CD47: variants seen among roughly 807,000 people sequenced by gnomAD.
CD47 encodes CD47 molecule.
A neutral mutation model predicts 44.6 loss-of-function variants in CD47; 11 were observed. The ratio of observed to expected loss-of-function variants is 0.25; its 90% CI spans 0.16 to 0.41. The LOEUF (loss-of-function observed/expected upper bound fraction) is 0.41. CD47 is among the 10% of genes least tolerant of loss of function. The probability of loss-of-function intolerance (pLI) is 1.00; values close to 1 mark genes in which losing one functional copy is unlikely to be tolerated. For missense variants in CD47, 306 were observed against 386.7 expected, an observed-to-expected ratio of 0.79 and a Z score of 1.75; for synonymous variants, 140 against 136.3, an observed-to-expected ratio of 1.03 and a Z score of -0.19.
At chr3:108,064,680 C>A (rs893138869) in intron 3 of CD47, among the ~76,000 whole-genome samples, 2 of 152,226 alleles carry the variant, frequency 1.3e-5, no homozygotes, top group Middle Eastern at 3.4e-3. Context: ...TTAATGCCTG[C>A]CCAAAGACAT....
chr3:108,079,816 T>C (rs1413008248), intron 2 of CD47, among the ~76,000 whole-genome samples, 175 bp downstream of exon 2: 1 of 151,834 alleles, frequency 6.6e-6, no homozygotes, highest in East Asian at 1.9e-4. Context: ...GAAGAGTAGA[T>C]TAACAAATAG....
At chr3:108,090,802 C>T (rs1346728882) in intron 1 of CD47, 61 bp downstream of exon 1, 2 of 1,423,926 alleles carry the variant, frequency 1.4e-6, no homozygotes, top group Non-Finnish European at 1.8e-6. Context: ...GGGGCGCAGC[C>T]CACACGCCCG....
intron 8 of CD47, among the ~76,000 whole-genome samples, chr3:108,051,458 T>G (rs1369339446): frequency 6.6e-6 from 1 of 152,214 alleles, no homozygotes; most frequent in Non-Finnish European, 1.5e-5. Flanking sequence ...TATAAAACAT[T>G]TGTATGGGAG....
chr3:108,054,507 A>G lies in CD47; in HGVS notation c.878-2537T>C, dbSNP rs896442070. On this transcript the variant is annotated intron_variant, in intron 7 of 10. Coordinates refer to ENST00000361309, the MANE Select transcript of CD47 (RefSeq NM_001777.4). ...CCCATGTGACAAAAGAATTATTACG[A>G]TTTCTGCTGCTACCATGAGCCTAAG... 4.2e-4 allele frequency: 64 copies of G among 152,204 alleles called. 1 individual carries two copies. The highest frequency in any genetic ancestry group is 2.4e-3 in the Admixed American group (37 of 15,286). 9.4% of individuals were successfully genotyped at this position (152,204 alleles called of 1,614,324 possible). A position where few individuals can be genotyped will look rare whatever the true frequency, so the allele number is the denominator to read the frequency against.
In CD47 at chr3:108,080,360, A is replaced by G. The variant is rs769982699; in HGVS notation, c.47-16T>C. The G allele has an allele frequency of 2.2e-6, 3 of 1,363,336 alleles. No homozygotes were observed. Among genetic ancestry groups the G allele is most frequent in the Non-Finnish European group, 3.1e-6 (3 of 972,386 alleles). 84.5% of individuals were successfully genotyped at this position (1,363,336 alleles called of 1,614,324 possible). On this transcript the variant is annotated splice_polypyrimidine_tract_variant and intron_variant, in intron 1 of 10. Transcript: ENST00000361309. ...TGAGCTGATCCTGGAAAGGAAAAAG[A>G]AAAATGTTTCATTAATTATAGAAGT...
chr3:108,050,710 C>A, intron 8 of CD47, 108 bp from the exon 9 acceptor site: 1 of 522,194 alleles, frequency 1.9e-6, no homozygotes, highest in Non-Finnish European at 3.4e-6. Flanking sequence ...AGCAGTAAAT[C>A]CTACAGTCAA....
chr3:108,081,899 T>G (rs1466335367), intron 1 of CD47, among the ~76,000 whole-genome samples: 1 of 151,964 alleles, frequency 6.6e-6, no homozygotes, highest in Non-Finnish European at 1.5e-5. Context: ...TCTGAACCTA[T>G]ATTGTGGGCA....
At chr3:108,059,989 A>T (rs1364619062) in intron 4 of CD47, among the ~76,000 whole-genome samples, 1 of 152,184 alleles carries the variant, frequency 6.6e-6, no homozygotes, top group East Asian at 1.9e-4. Flanking sequence ...TCTTCTCCAC[A>T]AACGATGGTG....
chr3:108,065,207 TG>T (rs985736641), intron 3 of CD47, among the ~76,000 whole-genome samples: 7 of 152,220 alleles, frequency 4.6e-5, no homozygotes, highest in Admixed American at 1.3e-4. Context: ...GTCCAGGCTT[TG>T]TGCATCAAGT....
chr3:108,090,062 C>A lies in CD47; in HGVS notation c.46+801G>T, dbSNP rs557838003. Among the ~76,000 whole-genome samples the A allele has an allele frequency of 2.3e-3, 343 of 152,250 alleles. 2 individuals are homozygous for A. The highest frequency in any genetic ancestry group is 3.9e-3 in the Non-Finnish European group (262 of 68,024). ...AAACACCAAATCCCATTCTGCTGCA[C>A]ATGTTTTGACTGGAGGTTACTGTCT... On this transcript the variant is annotated intron_variant, in intron 1 of 10. Transcript: ENST00000361309.
At chr3:108,066,298 T>A (rs151163328) in intron 3 of CD47, among the ~76,000 whole-genome samples, 1 of 152,296 alleles carries the variant, frequency 6.6e-6, no homozygotes, top group East Asian at 1.9e-4. Flanking sequence ...AAATTTGGAA[T>A]CAAGTACAGC....
intron 1 of CD47, among the ~76,000 whole-genome samples, chr3:108,085,169 T>C (rs2079495155): frequency 6.6e-6 from 1 of 152,086 alleles, no homozygotes; most frequent in African/African-American, 2.4e-5. Context: ...ACTATGCAAA[T>C]GCACTCTCAT....
chr3:108,044,415 C>CAAAAAAAAAAAAAAAAAAAAAAAAAAAAA lies in CD47; in HGVS notation c.*2844_*2872dup, dbSNP rs55777019. On this transcript the variant is annotated 3_prime_UTR_variant, in exon 11 of 11. Coordinates refer to ENST00000361309, the MANE Select transcript of CD47 (RefSeq NM_001777.4). Reference sequence around the variant, plus strand: ...GGTTTTTAGAGCATGTGAAATTAGTCAAAAAAAAAAAAAAAAAAAAAAAAA... The same window carrying CAAAAAAAAAAAAAAAAAAAAAAAAAAAAA: ...GGTTTTTAGAGCATGTGAAATTAGTCAAAAAAAAAAAAAAAAAAAAAAAAAAAAAAAAAAAAAAAAAAAAAAAAAAAAAA... 2.9e-5 allele frequency: 1 copy of CAAAAAAAAAAAAAAAAAAAAAAAAAAAAA among 34,106 alleles called. No homozygotes were observed. Among genetic ancestry groups the CAAAAAAAAAAAAAAAAAAAAAAAAAAAAA allele is most frequent in the African/African-American group, 9.6e-5 (1 of 10,448 alleles). 2.1% of individuals were successfully genotyped at this position (34,106 alleles called of 1,614,324 possible). A position where few individuals can be genotyped will look rare whatever the true frequency, so the allele number is the denominator to read the frequency against.
At chr3:108,060,614 A>T in intron 4 of CD47, 131 bp downstream of exon 4, 1 of 620,772 alleles carries the variant, frequency 1.6e-6, no homozygotes, top group Non-Finnish European at 2.9e-6. Flanking sequence ...TGGAAAGGGA[A>T]TTGCTATTGT....
intron 5 of CD47, among the ~76,000 whole-genome samples, chr3:108,058,637 TCA>T (rs1415411192): frequency 6.6e-6 from 1 of 152,230 alleles, no homozygotes; most frequent in African/African-American, 2.4e-5. Context: ...CCTTTAATTT[TCA>T]CAGTCAGCTA....
chr3:108,065,241 G>T (rs2079082776), intron 3 of CD47, among the ~76,000 whole-genome samples: 1 of 152,200 alleles, frequency 6.6e-6, no homozygotes, highest in South Asian at 2.1e-4. Flanking sequence ...AAAGATGAAA[G>T]AAGAGGATGT....
At chr3:108,057,260 T>C (rs930399792) in intron 7 of CD47, among the ~76,000 whole-genome samples, 1 of 152,158 alleles carries the variant, frequency 6.6e-6, no homozygotes, top group African/African-American at 2.4e-5. Flanking sequence ...TTAATTACCC[T>C]CAAATCATTC....
At chr3:108,065,450 A>G (rs2079086593) in intron 3 of CD47, among the ~76,000 whole-genome samples, 1 of 152,172 alleles carries the variant, frequency 6.6e-6, no homozygotes, top group South Asian at 2.1e-4. Context: ...ATTATTTAAT[A>G]ACAGAATGTG....
intron 2 of CD47, among the ~76,000 whole-genome samples, chr3:108,072,158 A>G (rs1471771246): frequency 6.6e-6 from 1 of 152,220 alleles, no homozygotes; most frequent in African/African-American, 2.4e-5. Flanking sequence ...CTCTAACAAT[A>G]AAGCCAAGTA....
Sources: gnomAD v4.1 joint callset for allele counts (sites outside exome capture counted in the v4.1 genomes callset) on GRCh38, gnomAD v4.1.1 for gene constraint, MANE v1.5 for transcripts, NCBI Gene and HGNC (gene_info 2026-07-23, HGNC 2026-07-21) for gene names.